The following CLINT1 variants were observed in gnomAD, a reference collection of about 807,000 sequenced individuals.
CLINT1 encodes the protein clathrin interactor 1.
CLINT1 carries 15 observed loss-of-function variants against 70.4 expected under a neutral mutation model. The observed-to-expected ratio is 0.21, with a 90% CI of 0.14 to 0.33. The LOEUF (loss-of-function observed/expected upper bound fraction) is 0.33. CLINT1 is among the 10% of genes least tolerant of loss of function. The pLI is 1.00. For synonymous variants in CLINT1, 227 were observed against 254.7 expected, an observed-to-expected ratio of 0.89 and a Z score of 1.04; for missense variants, 615 against 778.1, an observed-to-expected ratio of 0.79 and a Z score of 2.49.
intron 8 of CLINT1, among the ~76,000 whole-genome samples, chr5:157,801,225 G>A (rs1241654331): frequency 6.6e-6 from 1 of 152,224 alleles, no homozygotes; most frequent in Non-Finnish European, 1.5e-5. Context: ...AAAGTAGGCT[G>A]GCCAGGCATG....
At chr5:157,830,719 A>G (rs1276215846) in intron 1 of CLINT1, among the ~76,000 whole-genome samples, 2 of 118,692 alleles carry the variant, frequency 1.7e-5, no homozygotes, top group African/African-American at 3.3e-5. Context: ...CTACACACAC[A>G]CTCCCCCTCC....
Position 157,794,946 on chromosome 5 carries a change from A to C in CLINT1, c.1039T>G (p.Phe347Val), listed in dbSNP as rs757539595. Reference protein sequence around the residue: ...TGGSADLFGGFADFGSAAASG... With the variant: ...TGGSADLFGGVADFGSAAASG... ...GCAGCAGCTGAGCCAAAGTCAGCAA[A>C]TCCTCCGAATAAATCAGCTGATCCT... is the stretch of plus-strand genomic sequence containing the variant. The change falls in exon 9 of 12, where the codon TTT (phenylalanine) becomes GTT (valine). Residue 347 changes from phenylalanine to valine, a missense_variant. Around this residue, in one of 2 missense-constraint regions of CLINT1, gnomAD observed 374 missense variants for 409.6 expected, o/e 0.91. Transcript: ENST00000411809. 9 of 1,555,268 alleles carry C rather than the reference A, an allele frequency of 5.8e-6. No homozygotes were observed. The East Asian group carries it at 1.7e-4, about 29-fold the overall frequency.
At chr5:157,855,817 T>C (rs1753740915) in intron 1 of CLINT1, among the ~76,000 whole-genome samples, 1 of 151,732 alleles carries the variant, frequency 6.6e-6, no homozygotes, top group East Asian at 1.9e-4. Flanking sequence ...CACCTGTAAT[T>C]CCAGCTACTA....
chr5:157,792,539 C>A (rs1187082713), intron 9 of CLINT1, among the ~76,000 whole-genome samples: 1 of 152,036 alleles, frequency 6.6e-6, no homozygotes, highest in Non-Finnish European at 1.5e-5. Context: ...CAGAGCGAGA[C>A]TCCGTCTAAA....
intron 1 of CLINT1, among the ~76,000 whole-genome samples, chr5:157,835,596 T>G (rs979327431): frequency 6.6e-6 from 1 of 151,896 alleles, no homozygotes; most frequent in African/African-American, 2.4e-5. Context: ...TGTGAAAAAC[T>G]GACAAATGAA....
chr5:157,837,968 T>C (rs1763485936), intron 1 of CLINT1, among the ~76,000 whole-genome samples: 1 of 152,048 alleles, frequency 6.6e-6, no homozygotes. Context: ...CCAGCCAAGA[T>C]CTTTTACTCT....
intron 2 of CLINT1, 50 bp from the exon 3 acceptor site, chr5:157,816,880 G>A: frequency 7.7e-7 from 1 of 1,291,900 alleles, no homozygotes; most frequent in Admixed American, 2.3e-5. Flanking sequence ...AATTTTGACA[G>A]TAGATGGCAG....
chr5:157,789,299 G>C lies in CLINT1; in HGVS notation c.1531+64C>G. 3 of 1,355,868 alleles carry C rather than the reference G, an allele frequency of 2.2e-6. No individual in the cohort carries two copies. The Admixed American group carries it at 5.0e-5, about 23-fold the overall frequency. The allele number at this position is 1,355,868 out of a possible 1,614,324, so 84.0% of individuals were successfully genotyped here. On this transcript the variant is annotated intron_variant, in intron 11 of 11. Transcript: ENST00000411809. ...ATATTTTTATTTATAGTTTGAAGTA[G>C]TCCTGGCATTAAGGCAAAAGACTGC...
intron 1 of CLINT1, among the ~76,000 whole-genome samples, chr5:157,847,634 A>G (rs1753429181): frequency 6.6e-6 from 1 of 152,168 alleles, no homozygotes; most frequent in Non-Finnish European, 1.5e-5. Flanking sequence ...GTCACTGCAG[A>G]TGTGGTGAGA....
At chr5:157,833,400 T>C (rs573264001) in intron 1 of CLINT1, among the ~76,000 whole-genome samples, 54 of 151,370 alleles carry the variant, frequency 3.6e-4, no homozygotes, top group African/African-American at 1.3e-3. Context: ...ATATAAAAGG[T>C]CCTTCATATG....
chr5:157,837,172 C>A (rs886115248), intron 1 of CLINT1, among the ~76,000 whole-genome samples: 1 of 152,106 alleles, frequency 6.6e-6, no homozygotes, highest in African/African-American at 2.4e-5. Flanking sequence ...GAGGCTGAGG[C>A]AGGAGGACTG....
At chr5:157,817,794 C>A (rs898593535) in intron 1 of CLINT1, among the ~76,000 whole-genome samples, 1 of 152,000 alleles carries the variant, frequency 6.6e-6, no homozygotes, top group African/African-American at 2.4e-5. Context: ...TTAGAGCTGG[C>A]ATTAAGTCCA....
intron 3 of CLINT1, among the ~76,000 whole-genome samples, chr5:157,814,983 A>G (rs1004287875): frequency 2.6e-5 from 4 of 151,168 alleles, no homozygotes; most frequent in African/African-American, 9.7e-5. Context: ...CAGTGAGCTG[A>G]GCCCGCACCA....
chr5:157,798,051 TTTTACTGGTAC>T (rs754207534), intron 8 of CLINT1, among the ~76,000 whole-genome samples: 1 of 152,184 alleles, frequency 6.6e-6, no homozygotes, highest in Non-Finnish European at 1.5e-5. Context: ...CATATTATGC[TTTTACTGGTAC>T]TTTAAGAAAT....
At chr5:157,845,252 G>A (rs1376811441) in intron 1 of CLINT1, among the ~76,000 whole-genome samples, 2 of 152,082 alleles carry the variant, frequency 1.3e-5, no homozygotes, top group African/African-American at 4.8e-5. Context: ...GGGAGGCTGA[G>A]GCAGGAGAAT....
At chr5:157,853,519 G>A (rs559771880) in intron 1 of CLINT1, among the ~76,000 whole-genome samples, 149 of 152,202 alleles carry the variant, frequency 9.8e-4, no homozygotes, top group Middle Eastern at 6.8e-3. Context: ...GCTCACGCCT[G>A]TAATCCCAGC....
rs759065247 is a variant in CLINT1 at position 157,791,797 on chromosome 5, G to A, written c.1286C>T (p.Ser429Leu). 4 of 1,613,826 alleles carry A rather than the reference G, an allele frequency of 2.5e-6. No individual in the cohort carries two copies. The highest frequency in any genetic ancestry group is 3.4e-6 in the Non-Finnish European group (4 of 1,179,880). ...GGAAGATGTCATGGTTGCCTGGGAC[G>A]AGCCCATAAGATCAAACAGGTCTGA... ...NSSDLFDLMG[S>L]SQATMTSSQS... The change falls in exon 10 of 12, where the codon TCG becomes TTG. Residue 429 changes from serine (S) to leucine (L), a missense_variant. By Grantham distance (145) the Ser-to-Leu change is moderately radical. This residue lies in a region of CLINT1 where 374 missense variants were observed against 409.6 expected (regional missense o/e 0.91). Coordinates refer to ENST00000411809, the MANE Select transcript of CLINT1 (RefSeq NM_014666.4).
intron 1 of CLINT1, among the ~76,000 whole-genome samples, chr5:157,837,230 T>C (rs577483038): frequency 1.3e-5 from 2 of 152,280 alleles, no homozygotes; most frequent in African/African-American, 4.8e-5. Context: ...GGAGAGACCC[T>C]GCCTCTACAA....
At chr5:157,810,436 C>T (rs1447068933) in intron 5 of CLINT1, among the ~76,000 whole-genome samples, 1 of 152,202 alleles carries the variant, frequency 6.6e-6, no homozygotes, top group Non-Finnish European at 1.5e-5. Context: ...ATACTAGAAT[C>T]AGGAAGTATG....
Sources: gnomAD v4.1 joint callset for allele counts (sites outside exome capture counted in the v4.1 genomes callset) on GRCh38, gnomAD v4.1.1 for gene constraint, gnomAD v4.1.1 regional missense constraint, MANE v1.5 for transcripts, NCBI Gene and HGNC (gene_info 2026-07-23, HGNC 2026-07-21) for gene names.